Variants in P2RY8 observed in about 807,000 individuals in gnomAD.
P2RY8 encodes S-geranylgeranyl-glutathione receptor P2RY8.
P2RY8 carries 6 observed loss-of-function variants against 10.0 expected under a neutral mutation model. The observed-to-expected ratio is 0.60, with a 90% CI of 0.33 to 1.19. P2RY8 has a LOEUF of 1.19. Ranked by LOEUF, P2RY8 falls within the 50% of genes most tolerant of loss-of-function variation. P2RY8 has a pLI of 0.04. For synonymous variants in P2RY8, 276 were observed against 252.5 expected, an observed-to-expected ratio of 1.09 and a Z score of -0.88; for missense variants, 456 against 542.0, an observed-to-expected ratio of 0.84 and a Z score of 1.58.
intron 1 of P2RY8, among the ~76,000 whole-genome samples, chrX:1,517,571 C>T (rs1408547935): frequency 1.3e-5 from 2 of 152,124 alleles, no homozygotes; most frequent in South Asian, 4.1e-4. Context: ...AAAATGGAAA[C>T]TAATTTCAGT....
chrX:1,485,688 TTTA>T (rs1461588073), intron 1 of P2RY8, among the ~76,000 whole-genome samples: 2 of 148,062 alleles, frequency 1.4e-5, no homozygotes, highest in East Asian at 1.9e-4. Flanking sequence ...TACAACTTAT[TTTA>T]TTATAAATTA....
chrX:1,494,244 G>A (rs1254966821), intron 1 of P2RY8: 1 of 152,318 alleles, frequency 6.6e-6, no homozygotes, highest in Non-Finnish European at 1.5e-5. Context: ...CACAGGAGCA[G>A]GAGTGGAGGG....
intron 1 of P2RY8, among the ~76,000 whole-genome samples, chrX:1,477,172 G>A (rs1260541980): frequency 1.4e-5 from 2 of 147,732 alleles, no homozygotes; most frequent in African/African-American, 5.0e-5. Context: ...CTGGGCGACA[G>A]AGCAAGACTG....
At chrX:1,505,742 A>G (rs1351320659) in intron 1 of P2RY8, among the ~76,000 whole-genome samples, 3 of 152,086 alleles carry the variant, frequency 2.0e-5, no homozygotes, top group South Asian at 2.1e-4. Context: ...GTGAGCCGAC[A>G]TGGCGCCATT....
chrX:1,531,120 T>C (rs2092472748), intron 1 of P2RY8, among the ~76,000 whole-genome samples: 1 of 150,288 alleles, frequency 6.7e-6, no homozygotes, highest in South Asian at 2.1e-4. Flanking sequence ...CCATCTATCT[T>C]TAAGACAGTG....
intron 1 of P2RY8, among the ~76,000 whole-genome samples, chrX:1,476,456 G>A (rs1377018581): frequency 6.6e-6 from 1 of 151,666 alleles, no homozygotes; most frequent in Non-Finnish European, 1.5e-5. Context: ...GCGTGGTGGC[G>A]GGTGCCTGTA....
intron 1 of P2RY8, among the ~76,000 whole-genome samples, chrX:1,524,606 T>TCCATCCATACATCCATGCATCC (rs1569538707): frequency 6.1e-5 from 1 of 16,504 alleles, no homozygotes; most frequent in Non-Finnish European, 1.2e-4. Flanking sequence ...TTCATCCATC[T>TCCATCCATACATCCATGCATCC]ATCCATCCAT....
chrX:1,500,974 C>T (rs2149397662), intron 1 of P2RY8, among the ~76,000 whole-genome samples: 1 of 152,316 alleles, frequency 6.6e-6, no homozygotes, highest in East Asian at 1.9e-4. Context: ...GGCCAAGCAG[C>T]TGGGGCCGCC....
chrX:1,476,809 C>A (rs2091879560), intron 1 of P2RY8, among the ~76,000 whole-genome samples: 1 of 152,018 alleles, frequency 6.6e-6, no homozygotes, highest in Non-Finnish European at 1.5e-5. Context: ...AACACCCTAC[C>A]ATGCACAGGA....
chrX:1,499,840 T>TTTTTG lies in P2RY8; in HGVS notation c.-24-33263_-24-33259dup, dbSNP rs545823448. The stretch of plus-strand genomic sequence containing the variant: ...ATATCTCTAATTTTTTGAATCTGTT[T>TTTTTG]TTTTGTTTTGTTTTGTTTTGTTTTG... On this transcript the variant is annotated intron_variant, in intron 1 of 1. Transcript: ENST00000381297. Among the ~76,000 whole-genome samples the TTTTTG allele has an allele frequency of 4.4e-4, 67 of 151,632 alleles. No individual in the cohort carries two copies. In the East Asian group the frequency reaches 0.01, roughly 24 times the overall value.
At chrX:1,495,919 C>T (rs1312591498) in intron 1 of P2RY8, among the ~76,000 whole-genome samples, 2 of 149,096 alleles carry the variant, frequency 1.3e-5, no homozygotes, top group Non-Finnish European at 3.0e-5. Flanking sequence ...CAGACACACA[C>T]AGAGAGATGA....
chrX:1,521,807 G>A (rs1300438376), intron 1 of P2RY8, among the ~76,000 whole-genome samples: 13 of 152,028 alleles, frequency 8.6e-5, no homozygotes, highest in Admixed American at 4.6e-4. Context: ...TCCGGTGAGC[G>A]TGACGGACAA....
chrX:1,524,895 ATC>A (rs2092429680), intron 1 of P2RY8, among the ~76,000 whole-genome samples: 5 of 121,790 alleles, frequency 4.1e-5, no homozygotes, highest in Admixed American at 1.5e-4. Context: ...CCATCTATCC[ATC>A]CATCCATCCA....
intron 1 of P2RY8, among the ~76,000 whole-genome samples, chrX:1,521,856 A>C (rs2092394071): frequency 6.6e-6 from 1 of 150,744 alleles, no homozygotes; most frequent in Admixed American, 6.6e-5. Context: ...GGTCCCGCGA[A>C]GAGTGTTTAT....
chrX:1,481,562 G>A (rs1229365861), intron 1 of P2RY8, among the ~76,000 whole-genome samples: 1 of 91,550 alleles, frequency 1.1e-5, no homozygotes, highest in Non-Finnish European at 2.1e-5. Context: ...TTTGGGTTTA[G>A]GAGAGTCCAG....
At chrX:1,499,096 G>A (rs1178566417) in intron 1 of P2RY8, among the ~76,000 whole-genome samples, 1 of 150,896 alleles carries the variant, frequency 6.6e-6, no homozygotes, top group African/African-American at 2.4e-5. Flanking sequence ...GCCTTCCAAA[G>A]TGCTGGGATT....
At chrX:1,520,878 A>G (rs2092385240) in intron 1 of P2RY8, among the ~76,000 whole-genome samples, 1 of 151,416 alleles carries the variant, frequency 6.6e-6, no homozygotes, top group Non-Finnish European at 1.5e-5. Context: ...CTGGTTCCCA[A>G]TAATTTCCCT....
chrX:1,536,897 T>G, intron 1 of P2RY8, 24 bp downstream of exon 1: 1 of 217,734 alleles, frequency 4.6e-6, no homozygotes. Context: ...AGGACAAGCA[T>G]AAAAGTCCAG....
At chrX:1,517,872 G>A in intron 1 of P2RY8, among the ~76,000 whole-genome samples, 1 of 152,188 alleles carries the variant, frequency 6.6e-6, no homozygotes, top group South Asian at 2.1e-4. Context: ...GCTTTAAGAG[G>A]CTGAGGTGGG....
Sources: gnomAD v4.1 joint callset for allele counts (sites outside exome capture counted in the v4.1 genomes callset) on GRCh38, gnomAD v4.1.1 for gene constraint, MANE v1.5 for transcripts, NCBI Gene and HGNC (gene_info 2026-07-23, HGNC 2026-07-21) for gene names.